Variants in USP31 observed in about 807,000 individuals in gnomAD.
USP31 encodes the protein ubiquitin carboxyl-terminal hydrolase 31.
A neutral mutation model predicts 119.4 loss-of-function variants in USP31; 44 were observed. The ratio of observed to expected loss-of-function variants is 0.37; its 90% confidence interval spans 0.29 to 0.47. The LOEUF (loss-of-function observed/expected upper bound fraction) is 0.47, where lower values mean the gene tolerates loss of function less well. USP31 is among the 20% of genes least tolerant of loss of function. The probability of loss-of-function intolerance (pLI) is 0.99; values close to 1 mark genes in which losing one functional copy is unlikely to be tolerated. For synonymous variants in USP31, 749 were observed against 705.6 expected (o/e 1.06, Z -0.97); for missense variants, 1,643 against 1,730.2 (o/e 0.95, Z 0.89).
chr16:23,143,066 T>C (rs1903397882), intron 1 of USP31, among the ~76,000 whole-genome samples: 1 of 152,170 alleles, frequency 6.6e-6, no homozygotes, highest in Non-Finnish European at 1.5e-5. Flanking sequence ...TAGTCTCTTA[T>C]ACAAGTTTAT....
chr16:23,074,907 G>A (rs907976244), intron 13 of USP31, among the ~76,000 whole-genome samples: 2 of 152,176 alleles, frequency 1.3e-5, no homozygotes, highest in African/African-American at 4.8e-5. Context: ...TATTTGGGGT[G>A]AGAATAAACG....
chr16:23,131,310 C>A (rs919891958), intron 1 of USP31, among the ~76,000 whole-genome samples: 8 of 152,048 alleles, frequency 5.3e-5, no homozygotes, highest in African/African-American at 1.9e-4. Flanking sequence ...AAAATAGTAA[C>A]AAATTAAAGT....
chr16:23,129,070 G>A (rs1402833571), intron 1 of USP31, among the ~76,000 whole-genome samples: 1 of 152,026 alleles, frequency 6.6e-6, no homozygotes, highest in Non-Finnish European at 1.5e-5. Context: ...CCTTTTTTAT[G>A]TCACTTTTCT....
At chr16:23,087,859 C>G in intron 7 of USP31, 24 bp from the exon 8 acceptor site, 1 of 1,587,528 alleles carries the variant, frequency 6.3e-7, no homozygotes, top group Non-Finnish European at 8.6e-7. Flanking sequence ...ACAATGTAAT[C>G]ACCTTTAAAG....
chr16:23,148,671 C>T lies in USP31; in HGVS notation c.600G>A (p.Leu200=), dbSNP rs1196956172. 3 of 1,498,684 alleles carry T rather than the reference C, an allele frequency of 2.0e-6. No individual in the cohort carries two copies. Among genetic ancestry groups the T allele is most frequent in the South Asian group, 1.3e-5 (1 of 79,546 alleles). The allele number at this position is 1,498,684 out of a possible 1,614,324, so 92.8% of individuals were successfully genotyped here. A position where few individuals can be genotyped will look rare whatever the true frequency, so the allele number is the denominator to read the frequency against. ...LAHLVRALWT[L]EYTPQHSRDF... is the part of the protein sequence containing the mutation. Reference sequence around the variant, plus strand: ...CGCGGCTGTGCTGCGGGGTGTACTCCAGGGTCCAGAGGGCCCGCACCAGGT... The same window carrying T: ...CGCGGCTGTGCTGCGGGGTGTACTCTAGGGTCCAGAGGGCCCGCACCAGGT... Residue 200 remains leucine, a synonymous_variant, in exon 1 of 16, where the codon CTG becomes CTA. Transcript: ENST00000219689.
Position 23,080,178 on chromosome 16 carries a change from CAAG to C in USP31, c.1951-10_1951-8del, listed in dbSNP as rs1400855823. On this transcript the variant is annotated splice_polypyrimidine_tract_variant and splice_region_variant and intron_variant, in intron 12 of 15. Coordinates refer to ENST00000219689, the MANE Select transcript of USP31 (RefSeq NM_020718.4). ...TCATGCGCCTGTCTCCTTCCTGTTG[CAAG>C]AAGAAAAACAAGTTCTGGTGATATT... is the stretch of plus-strand genomic sequence containing the variant. The C allele has an allele frequency of 3.3e-6, 5 of 1,527,622 alleles. No homozygotes were observed. The African/African-American group carries it at 7.0e-5, about 21-fold the overall frequency. The allele number at this position is 1,527,622 out of a possible 1,614,324, so 94.6% of individuals were successfully genotyped here. A position where few individuals can be genotyped will look rare whatever the true frequency, so the allele number is the denominator to read the frequency against.
intron 8 of USP31, 121 bp downstream of exon 8, chr16:23,087,603 A>C: frequency 1.1e-6 from 1 of 885,064 alleles, no homozygotes; most frequent in Non-Finnish European, 1.7e-6. Flanking sequence ...CTTTCATAAA[A>C]TGAGGGATAA....
rs188247911 is a variant in USP31, at chr16:23,134,140, T to C, written c.633+14498A>G. Among the ~76,000 whole-genome samples the C allele has an allele frequency of 3.6e-4, 54 of 151,988 alleles. 1 individual carries two copies. The highest frequency in any genetic ancestry group is 1.3e-3 in the African/African-American group (54 of 41,438). ...ACACACACAAATCGAACAGATTACT[T>C]TGTTTTTGAAACTTGACAAAATGAT... is the stretch of plus-strand genomic sequence containing the variant. On this transcript the variant is annotated intron_variant, in intron 1 of 15. Coordinates refer to ENST00000219689, the MANE Select transcript of USP31 (RefSeq NM_020718.4).
At chr16:23,106,090 T>C (rs1046390933) in intron 4 of USP31, 123 bp downstream of exon 4, 14 of 1,085,978 alleles carry the variant, frequency 1.3e-5, no homozygotes, top group East Asian at 1.0e-4. Context: ...GCAATGACTG[T>C]ATTCAATCCC....
chr16:23,106,069 G>T (rs1902089123), intron 4 of USP31, 144 bp downstream of exon 4: 3 of 948,606 alleles, frequency 3.2e-6, no homozygotes, highest in South Asian at 1.7e-5. Flanking sequence ...ATTTATTCTT[G>T]TAAGGTTGTA....
At chr16:23,078,307 TCG>T (rs1162272549) in intron 13 of USP31, among the ~76,000 whole-genome samples, 1 of 96,782 alleles carries the variant, frequency 1.0e-5, no homozygotes, top group Non-Finnish European at 2.0e-5. Context: ...CGAGACTCCG[TCG>T]CAAAAAAAAA....
At chr16:23,105,650 T>A in intron 4 of USP31, 74 bp from the exon 5 acceptor site, 1 of 1,399,612 alleles carries the variant, frequency 7.1e-7, no homozygotes. Context: ...AAAATAAACC[T>A]GAGACGAAAT....
rs1350945521 is a variant in USP31, at chr16:23,064,070, CAA to C, written c.*3974_*3975del. On this transcript the variant is annotated 3_prime_UTR_variant, in exon 16 of 16. Coordinates refer to ENST00000219689, the MANE Select transcript of USP31 (RefSeq NM_020718.4). ...TTTGTGATAGGTACTGGTTTGTCAG[CAA>C]AGTTTGCCTTTCTCAACTACAAATA... The C allele has an allele frequency of 6.6e-6, 1 of 152,620 alleles. No homozygotes were observed. Among genetic ancestry groups the C allele is most frequent in the Admixed American group, 6.5e-5 (1 of 15,280 alleles). The allele number at this position is 152,620 out of a possible 1,614,324, so 9.5% of individuals were successfully genotyped here.
At chr16:23,079,895 C>A in intron 13 of USP31, 51 bp downstream of exon 13, 2 of 1,482,286 alleles carry the variant, frequency 1.3e-6, no homozygotes, top group African/African-American at 2.9e-5. Context: ...CACAAGCAAA[C>A]CCGTCTGAAG....
chr16:23,131,197 G>A (rs375331785), intron 1 of USP31, among the ~76,000 whole-genome samples: 3 of 152,168 alleles, frequency 2.0e-5, no homozygotes, highest in African/African-American at 4.8e-5. Context: ...CTAGCTATTC[G>A]GGAGGATGAG....
At chr16:23,139,437 T>C (rs1903287422) in intron 1 of USP31, among the ~76,000 whole-genome samples, 1 of 152,174 alleles carries the variant, frequency 6.6e-6, no homozygotes, top group African/African-American at 2.4e-5. Context: ...TAAAATAAAC[T>C]GATATTTCTG....
intron 1 of USP31, among the ~76,000 whole-genome samples, chr16:23,130,086 A>G (rs951464042): frequency 6.6e-6 from 1 of 152,228 alleles, no homozygotes; most frequent in African/African-American, 2.4e-5. Flanking sequence ...AATCTGAACC[A>G]AAGTCTCTGA....
chr16:23,106,139 C>A, intron 4 of USP31, 74 bp downstream of exon 4: 1 of 1,500,740 alleles, frequency 6.7e-7, no homozygotes, highest in Non-Finnish European at 9.2e-7. Context: ...AGTAAGAAGA[C>A]CTAATAGGAG....
chr16:23,100,248 A>G (rs1470051045), intron 6 of USP31, among the ~76,000 whole-genome samples: 1 of 152,248 alleles, frequency 6.6e-6, no homozygotes, highest in Non-Finnish European at 1.5e-5. Context: ...TATTCACATT[A>G]GCCAGAAGGT....
Sources: gnomAD v4.1 joint callset for allele counts (sites outside exome capture counted in the v4.1 genomes callset) on GRCh38, gnomAD v4.1.1 for gene constraint, MANE v1.5 for transcripts, NCBI Gene and HGNC (gene_info 2026-07-23, HGNC 2026-07-21) for gene names.